MYOZ1: variants seen among roughly 807,000 people sequenced by gnomAD.
The protein encoded by MYOZ1 is myozenin 1.
In MYOZ1, 20 loss-of-function variants were observed where a neutral mutation model predicts 28.7. The ratio of observed to expected loss-of-function variants is 0.70; its 90% CI spans 0.49 to 1.01. The LOEUF (loss-of-function observed/expected upper bound fraction) is 1.01, where lower values mean the gene tolerates loss of function less well. Ranked by LOEUF, MYOZ1 falls within the 50% of genes least tolerant of loss-of-function variation. The pLI is 0.00. For missense variants in MYOZ1, 371 were observed against 372.4 expected (o/e 1.00, Z 0.03); for synonymous variants, 144 against 145.8 (o/e 0.99, Z 0.09).
At chr10:73,641,295 A>G (rs1240603768) in intron 1 of MYOZ1, 116 bp downstream of exon 1, 2 of 151,978 alleles carry the variant, frequency 1.3e-5, no homozygotes, top group Non-Finnish European at 2.9e-5. Context: ...CTGGGAGCTG[A>G]GCATAGATGA....
rs763286377 is a variant in MYOZ1, at chr10:73,637,814, T to C, written c.182A>G (p.Lys61Arg). Residue 61 changes from lysine (K) to arginine (R), a missense_variant, in exon 3 of 6, where the codon AAA becomes AGA. Lys to Arg is a conservative substitution (Grantham distance 26). Transcript: ENST00000359322. ...CTTCTCCACCCTCATCTGCCGCAGTTTGAACATCTTGGAGCCCCGGTTGGT... is the reference window on the plus strand; with the variant it reads ...CTTCTCCACCCTCATCTGCCGCAGTCTGAACATCTTGGAGCCCCGGTTGGT... ...LLTNRGSKMF[K>R]LRQMRVEKFI... 9.3e-6 allele frequency: 15 copies of C among 1,614,008 alleles called. No individual in the cohort carries two copies. Among genetic ancestry groups the C allele is most frequent in the Non-Finnish European group, 1.3e-5 (15 of 1,180,038 alleles).
chr10:73,633,813 C>A, intron 5 of MYOZ1, 87 bp downstream of exon 5: 1 of 1,422,760 alleles, frequency 7.0e-7, no homozygotes, highest in Non-Finnish European at 9.5e-7. Flanking sequence ...TAGCCTCCTT[C>A]TGAAACATTT....
intron 3 of MYOZ1, among the ~76,000 whole-genome samples, chr10:73,636,697 C>T (rs1440805997): frequency 6.6e-6 from 1 of 152,132 alleles, no homozygotes; most frequent in Non-Finnish European, 1.5e-5. Flanking sequence ...CTCAAGCAGT[C>T]CTCTTGCCTT....
chr10:73,633,668 A>G (rs1474026701), intron 5 of MYOZ1, among the ~76,000 whole-genome samples: 1 of 152,202 alleles, frequency 6.6e-6, no homozygotes, highest in Non-Finnish European at 1.5e-5. Flanking sequence ...CAGCTAATAA[A>G]TGACCATTGA....
chr10:73,637,267 G>A (rs1022832746), intron 3 of MYOZ1, among the ~76,000 whole-genome samples: 10 of 151,880 alleles, frequency 6.6e-5, no homozygotes, highest in African/African-American at 1.9e-4. Context: ...CACCTGCCTC[G>A]GCCTCCCAAA....
At chr10:73,632,220 A>C in intron 5 of MYOZ1, 59 bp from the exon 6 acceptor site, 5 of 1,442,190 alleles carry the variant, frequency 3.5e-6, no homozygotes, top group Non-Finnish European at 4.9e-6. Context: ...GAGCCTTATC[A>C]TGAGATGCTA....
chr10:73,632,012 A>C lies in MYOZ1; in HGVS notation c.818T>G (p.Ile273Ser), dbSNP rs2081637858. The change falls in exon 6 of 6, where the codon ATT (isoleucine) becomes AGT (serine). Residue 273 changes from isoleucine to serine, a missense_variant. Transcript: ENST00000359322. ...SNRPSFNRTPIPWLSSGEPVD... is the reference protein window; with the variant it reads ...SNRPSFNRTPSPWLSSGEPVD... ...AGGCTCCCCAGAGCTCAGCCAGGGA[A>C]TAGGGGTTCGATTGAAAGAAGGCCT... 18 of 1,613,888 alleles carry C rather than the reference A, an allele frequency of 1.1e-5. No homozygotes were observed. The highest frequency in any genetic ancestry group is 1.5e-5 in the Non-Finnish European group (18 of 1,179,982).
chr10:73,638,652 T>A (rs2081683519), intron 2 of MYOZ1, among the ~76,000 whole-genome samples: 2 of 142,408 alleles, frequency 1.4e-5, no homozygotes, highest in East Asian at 4.2e-4. Context: ...ATTTATTTAT[T>A]TATTTATTTA....
At chr10:73,636,043 A>G (rs1187741357) in intron 3 of MYOZ1, among the ~76,000 whole-genome samples, 2 of 152,164 alleles carry the variant, frequency 1.3e-5, no homozygotes, top group African/African-American at 2.4e-5. Flanking sequence ...CTAAAGTTAG[A>G]TATGAGCAGC....
At chr10:73,634,855 T>A in intron 3 of MYOZ1, 122 bp from the exon 4 acceptor site, 1 of 1,176,300 alleles carries the variant, frequency 8.5e-7, no homozygotes, top group South Asian at 1.6e-5. Flanking sequence ...TTTCTGATAT[T>A]TCCCCCTCCA....
At chr10:73,632,293 C>G in intron 5 of MYOZ1, 132 bp from the exon 6 acceptor site, 1 of 796,330 alleles carries the variant, frequency 1.3e-6, no homozygotes, top group Non-Finnish European at 2.0e-6. Flanking sequence ...ACTCCTTCTT[C>G]TTCCTTAGCA....
In MYOZ1 at chr10:73,634,076, T is replaced by C. The variant is rs774897574; in HGVS notation, c.503-11A>G. ...CGCCTGCCTGGTCTCCTGGTAGCCA[T>C]GGGAGAGAAAATTCAGTCAAATAAT... On this transcript the variant is annotated splice_polypyrimidine_tract_variant and intron_variant, in intron 4 of 5. Coordinates refer to ENST00000359322, the MANE Select transcript of MYOZ1 (RefSeq NM_021245.4). 9.9e-6 allele frequency: 16 copies of C among 1,613,958 alleles called. No individual in the cohort carries two copies. Among genetic ancestry groups the C allele is most frequent in the Non-Finnish European group, 1.3e-5 (15 of 1,179,976 alleles).
chr10:73,632,458 C>T (rs1441680280), intron 5 of MYOZ1, among the ~76,000 whole-genome samples: 1 of 152,028 alleles, frequency 6.6e-6, no homozygotes, highest in Non-Finnish European at 1.5e-5. Context: ...CTGAGGTCAC[C>T]TTACATGACA....
At chr10:73,640,975 G>A (rs1355006585) in intron 1 of MYOZ1, among the ~76,000 whole-genome samples, 3 of 152,142 alleles carry the variant, frequency 2.0e-5, no homozygotes, top group South Asian at 2.1e-4. Context: ...TTCAAATCCC[G>A]ACACGTCAAT....
intron 2 of MYOZ1, 130 bp from the exon 3 acceptor site, chr10:73,638,052 G>A: frequency 1.2e-6 from 1 of 816,110 alleles, no homozygotes; most frequent in Non-Finnish European, 1.9e-6. Context: ...GGGAACAAAT[G>A]CTGTCTAGTT....
At chr10:73,638,731 A>C (rs1365055293) in intron 2 of MYOZ1, among the ~76,000 whole-genome samples, 1 of 151,350 alleles carries the variant, frequency 6.6e-6, no homozygotes, top group African/African-American at 2.4e-5. Flanking sequence ...CAATGGCGCG[A>C]TTGCAGCTCA....
At chr10:73,637,979 G>A in intron 2 of MYOZ1, 57 bp from the exon 3 acceptor site, 2 of 1,527,394 alleles carry the variant, frequency 1.3e-6, no homozygotes, top group Non-Finnish European at 1.8e-6. Context: ...GGTTTTCTGG[G>A]CTCAGAATGC....
chr10:73,633,863 A>ACTAG (rs781600409), intron 5 of MYOZ1, 37 bp downstream of exon 5: 5 of 1,572,010 alleles, frequency 3.2e-6, no homozygotes, highest in Non-Finnish European at 4.3e-6. Flanking sequence ...AGTGCCTCAC[A>ACTAG]CTAGAATGCA....
chr10:73,637,607 C>A, intron 3 of MYOZ1, 137 bp downstream of exon 3: 1 of 848,374 alleles, frequency 1.2e-6, no homozygotes, highest in Non-Finnish European at 1.8e-6. Context: ...GTTGCGGGCT[C>A]AATATATCTG....
Sources: allele counts gnomAD v4.1 joint callset (sites outside exome capture counted in the v4.1 genomes callset), GRCh38; gene constraint gnomAD v4.1.1; transcripts MANE v1.5; gene names NCBI Gene and HGNC (gene_info 2026-07-23, HGNC 2026-07-21).